WWC2: variants seen among roughly 807,000 people sequenced by gnomAD.
WWC2 encodes WW and C2 domain containing 2.
WWC2 carries 101 observed loss-of-function variants against 138.5 expected under a neutral mutation model. That is an observed-to-expected ratio of 0.73 (90% CI 0.62 to 0.86). WWC2 has a LOEUF of 0.86. Among genes scored for constraint, WWC2 ranks in the 40% least tolerant of loss-of-function variants. The pLI is 0.00. For missense variants in WWC2, 1,420 were observed against 1,419.4 expected (o/e 1.00, Z -0.01); for synonymous variants, 558 against 538.4 (o/e 1.04, Z -0.50).
intron 1 of WWC2, among the ~76,000 whole-genome samples, chr4:183,142,455 G>T (rs11935093): frequency 0.17 from 26,328 of 152,046 alleles, 2,463 homozygotes; most frequent in East Asian, 0.22. Flanking sequence ...TGGAGTAATG[G>T]GTTGCTGAGT....
At chr4:183,309,524 G>C (rs1739142515) in intron 21 of WWC2, among the ~76,000 whole-genome samples, 1 of 152,194 alleles carries the variant, frequency 6.6e-6, no homozygotes, top group Non-Finnish European at 1.5e-5. Flanking sequence ...GCAACAATGA[G>C]ATACCTCTAC....
intron 2 of WWC2, among the ~76,000 whole-genome samples, chr4:183,194,157 G>A (rs988895795): frequency 2.6e-5 from 4 of 152,186 alleles, no homozygotes; most frequent in African/African-American, 7.2e-5. Context: ...AAGACATAGC[G>A]TAGCTGGGAA....
intron 4 of WWC2, among the ~76,000 whole-genome samples, chr4:183,221,301 G>A (rs1299531151): frequency 1.3e-5 from 2 of 152,134 alleles, no homozygotes; most frequent in African/African-American, 4.8e-5. Flanking sequence ...CTGGAATAAA[G>A]ACCAATACAA....
At chr4:183,252,909 A>C (rs958492702) in intron 8 of WWC2, among the ~76,000 whole-genome samples, 2 of 152,158 alleles carry the variant, frequency 1.3e-5, no homozygotes, top group African/African-American at 4.8e-5. Flanking sequence ...TTGCTCTGTC[A>C]CCCAGGCAGG....
At chr4:183,190,662 T>C (rs1310371563) in intron 1 of WWC2, among the ~76,000 whole-genome samples, 3 of 152,168 alleles carry the variant, frequency 2.0e-5, no homozygotes, top group Non-Finnish European at 4.4e-5. Context: ...AATTTTTATA[T>C]TAAAAATTTT....
chr4:183,143,439 A>G (rs926417691), intron 1 of WWC2, among the ~76,000 whole-genome samples: 1 of 152,192 alleles, frequency 6.6e-6, no homozygotes. Context: ...GTATAGATGA[A>G]CCCTGTTTGG....
At chr4:183,183,420 AAGTCACC>A (rs1190202497) in intron 1 of WWC2, among the ~76,000 whole-genome samples, 14 of 152,262 alleles carry the variant, frequency 9.2e-5, no homozygotes, top group African/African-American at 3.1e-4. Context: ...TCGAGTTACA[AAGTCACC>A]AGCAATGAAT....
intron 16 of WWC2, among the ~76,000 whole-genome samples, chr4:183,271,607 A>G (rs1560879417): frequency 6.6e-6 from 1 of 152,256 alleles, no homozygotes; most frequent in Non-Finnish European, 1.5e-5. Flanking sequence ...GTCAGGTTAT[A>G]CATTTGGCAC....
intron 8 of WWC2, among the ~76,000 whole-genome samples, chr4:183,252,418 G>A (rs1737007044): frequency 1.3e-5 from 2 of 152,180 alleles, no homozygotes; most frequent in African/African-American, 4.8e-5. Flanking sequence ...ACAGTGCCAC[G>A]TAGCAAGTTA....
At chr4:183,177,556 C>T (rs1734501730) in intron 1 of WWC2, among the ~76,000 whole-genome samples, 2 of 152,106 alleles carry the variant, frequency 1.3e-5, no homozygotes, top group African/African-American at 4.8e-5. Flanking sequence ...AAGGCTGTTT[C>T]CTCTTCTTAA....
At chr4:183,200,461 A>C (rs1236790613) in intron 2 of WWC2, among the ~76,000 whole-genome samples, 1 of 152,070 alleles carries the variant, frequency 6.6e-6, no homozygotes, top group Non-Finnish European at 1.5e-5. Flanking sequence ...CATTGTCACA[A>C]ATTGTTCCAA....
chr4:183,298,371 A>C (rs938803140), intron 21 of WWC2, among the ~76,000 whole-genome samples: 6 of 152,100 alleles, frequency 3.9e-5, no homozygotes, highest in African/African-American at 1.4e-4. Flanking sequence ...ATAGGGCCAA[A>C]ACTCTTTAGC....
At chr4:183,161,202 A>AC (rs1733951961) in intron 1 of WWC2, among the ~76,000 whole-genome samples, 1 of 152,208 alleles carries the variant, frequency 6.6e-6, no homozygotes, top group Admixed American at 6.5e-5. Context: ...CTGTTGGATA[A>AC]TGTTGCAAGT....
intron 4 of WWC2, among the ~76,000 whole-genome samples, chr4:183,212,260 A>G (rs568876176): frequency 6.6e-6 from 1 of 152,298 alleles, no homozygotes; most frequent in Admixed American, 6.5e-5. Flanking sequence ...ACTTACTGGA[A>G]GCAAACCTCT....
In WWC2 at chr4:183,319,601, A is replaced by AT; in HGVS notation, c.*3873dup. ...TTCTCGTCTCCAGTTCTTGATGATG[A>AT]TCTTGTGTTTGTGCCACTGCGTAGT... On this transcript the variant is annotated 3_prime_UTR_variant, in exon 23 of 23. Coordinates refer to ENST00000403733, the MANE Select transcript of WWC2 (RefSeq NM_024949.6). 1 of 1,613,704 alleles carries AT rather than the reference A, an allele frequency of 6.2e-7. No homozygotes were observed. Among genetic ancestry groups the AT allele is most frequent in the Non-Finnish European group, 8.5e-7 (1 of 1,179,890 alleles).
At chr4:183,138,505 T>C (rs1733190128) in intron 1 of WWC2, among the ~76,000 whole-genome samples, 1 of 152,200 alleles carries the variant, frequency 6.6e-6, no homozygotes, top group African/African-American at 2.4e-5. Flanking sequence ...ATCCATTCTT[T>C]TATGTGTTAT....
At chr4:183,289,365 G>A in intron 20 of WWC2, 28 bp from the exon 21 acceptor site, 1 of 1,602,494 alleles carries the variant, frequency 6.2e-7, no homozygotes, top group South Asian at 1.1e-5. Context: ...TAACCAGGGT[G>A]TTCGTCATTC....
intron 4 of WWC2, among the ~76,000 whole-genome samples, chr4:183,216,629 A>G (rs971468243): frequency 6.6e-6 from 1 of 152,208 alleles, no homozygotes; most frequent in African/African-American, 2.4e-5. Flanking sequence ...CTGAAAGGAA[A>G]CAGATGAAGT....
chr4:183,235,399 A>G (rs1356334795), intron 4 of WWC2, among the ~76,000 whole-genome samples: 1 of 152,174 alleles, frequency 6.6e-6, no homozygotes, highest in East Asian at 1.9e-4. Flanking sequence ...AGAATTTTTA[A>G]GTGTATAATA....
Sources: gnomAD v4.1 joint callset for allele counts (sites outside exome capture counted in the v4.1 genomes callset) on GRCh38, gnomAD v4.1.1 for gene constraint, MANE v1.5 for transcripts, NCBI Gene and HGNC (gene_info 2026-07-23, HGNC 2026-07-21) for gene names.